MYT1: variants seen among roughly 807,000 people sequenced by gnomAD.
MYT1 encodes the protein myelin transcription factor I.
In MYT1, 23 loss-of-function variants were observed where a neutral mutation model predicts 123.0. The ratio of observed to expected loss-of-function variants is 0.19; its 90% CI spans 0.13 to 0.26. The LOEUF (loss-of-function observed/expected upper bound fraction) is 0.26, where lower values mean the gene tolerates loss of function less well. Ranked by LOEUF, MYT1 falls within the 10% of genes least tolerant of loss-of-function variation. MYT1 has a pLI of 1.00. For missense variants in MYT1, 1,125 were observed against 1,472.5 expected (o/e 0.76, Z 3.86); for synonymous variants, 518 against 575.3 (o/e 0.90, Z 1.43).
intron 14 of MYT1, among the ~76,000 whole-genome samples, 161 bp downstream of exon 14, chr20:64,222,208 C>G (rs1019985662): frequency 2.0e-5 from 3 of 152,174 alleles, no homozygotes; most frequent in Non-Finnish European, 2.9e-5. Flanking sequence ...CCAGGGTATT[C>G]AGAGGTTTCC....
At chr20:64,180,239 C>T (rs888814938) in intron 1 of MYT1, among the ~76,000 whole-genome samples, 1 of 152,224 alleles carries the variant, frequency 6.6e-6, no homozygotes, top group African/African-American at 2.4e-5. Flanking sequence ...GCCACACACA[C>T]ACCCTTTTTC....
chr20:64,197,066 G>A (rs1173821440), intron 2 of MYT1, among the ~76,000 whole-genome samples: 1 of 152,150 alleles, frequency 6.6e-6, no homozygotes, highest in African/African-American at 2.4e-5. Context: ...CTTTAAATGT[G>A]AGCCATTTGT....
In MYT1 at chr20:64,194,827, T is replaced by G. The variant is rs564994943; in HGVS notation, c.1-4035T>G. Among the ~76,000 whole-genome samples the G allele has an allele frequency of 3.9e-5, 6 of 152,338 alleles. No homozygotes were observed. The South Asian group carries it at 1.2e-3, about 32-fold the overall frequency. Reference sequence around the variant, plus strand: ...CTCCAACCCTGATATCTTTGGAAGCTGAGTCTACCATTTCCCCTTAGAGGT... The same window carrying G: ...CTCCAACCCTGATATCTTTGGAAGCGGAGTCTACCATTTCCCCTTAGAGGT... On this transcript the variant is annotated intron_variant, in intron 2 of 22. Coordinates refer to ENST00000328439, the MANE Select transcript of MYT1 (RefSeq NM_004535.3).
intron 1 of MYT1, among the ~76,000 whole-genome samples, chr20:64,173,736 C>G (rs1982368699): frequency 2.8e-5 from 2 of 72,474 alleles, no homozygotes; most frequent in African/African-American, 1.2e-4. Flanking sequence ...GACTTCTCCT[C>G]CTGCAGCATC....
intron 12 of MYT1, 152 bp from the exon 13 acceptor site, chr20:64,219,561 T>G: frequency 1.5e-6 from 1 of 687,578 alleles, no homozygotes; most frequent in Non-Finnish European, 2.4e-6. Context: ...GGCAGCTGGA[T>G]TTTTTCCCTC....
Position 64,166,310 on chromosome 20 carries a change from G to A in MYT1, c.-99+1571G>A, listed in dbSNP as rs1419676232. On this transcript the variant is annotated intron_variant, in intron 1 of 22. Transcript: ENST00000328439. The surrounding 1 kb of genome is among the most constrained non-coding windows in gnomAD (Gnocchi z 4.9). ...GCTTAGAGGGCAGTTTGTTTTCAAA[G>A]AGAAGGAGGCAGTCTTATGGATTCT... is the stretch of plus-strand genomic sequence containing the variant. Among the ~76,000 whole-genome samples, 1 of 152,174 alleles carries A rather than the reference G, an allele frequency of 6.6e-6. No homozygotes were observed. Among genetic ancestry groups the A allele is most frequent in the African/African-American group, 2.4e-5 (1 of 41,438 alleles).
chr20:64,187,854 G>A (rs186047398), intron 1 of MYT1, among the ~76,000 whole-genome samples: 1 of 152,342 alleles, frequency 6.6e-6, no homozygotes, highest in Admixed American at 6.5e-5. Flanking sequence ...GGTTACTTGT[G>A]TGCTCTGTAC....
intron 4 of MYT1, among the ~76,000 whole-genome samples, chr20:64,201,067 G>A (rs979388244): frequency 1.6e-4 from 25 of 152,228 alleles, no homozygotes; most frequent in African/African-American, 5.8e-4. Context: ...CCAGGGACAC[G>A]GTGGAGACAA....
In MYT1 at chr20:64,167,709, T is replaced by TG. The variant is rs139870231; in HGVS notation, c.-99+2977dup. On this transcript the variant is annotated intron_variant, in intron 1 of 22. Transcript: ENST00000328439. The surrounding 1 kb of genome is among the most constrained non-coding windows in gnomAD (Gnocchi z 6.3). ...AGTGGAGCAGGGTGCCCGCAGGGGC[T>TG]GGGGGGGCTCTTCTCTTTCTTCCTC... Among the ~76,000 whole-genome samples, 331 of 152,224 alleles carry TG rather than the reference T, an allele frequency of 2.2e-3. 2 individuals carry two copies. Among genetic ancestry groups the TG allele is most frequent in the African/African-American group, 7.6e-3 (317 of 41,524 alleles).
intron 19 of MYT1, among the ~76,000 whole-genome samples, chr20:64,234,191 CA>C (rs1048600453): frequency 1.3e-5 from 2 of 152,182 alleles, no homozygotes; most frequent in African/African-American, 4.8e-5. Flanking sequence ...TGAGAATGCA[CA>C]ATTGTAATGC....
chr20:64,238,358 G>A (rs962284769), intron 21 of MYT1, among the ~76,000 whole-genome samples: 2 of 152,128 alleles, frequency 1.3e-5, no homozygotes, highest in African/African-American at 4.8e-5. Flanking sequence ...CCAGCCCCAC[G>A]TGTCTCATTA....
At chr20:64,217,642 C>G (rs888802678) in intron 11 of MYT1, among the ~76,000 whole-genome samples, 11 of 152,276 alleles carry the variant, frequency 7.2e-5, no homozygotes, top group African/African-American at 4.8e-5. Context: ...CACTGTCCTC[C>G]TGCTACCTGT....
In MYT1 at chr20:64,208,867, C is replaced by T. The variant is rs112484084; in HGVS notation, c.1291+380C>T. On this transcript the variant is annotated intron_variant, in intron 7 of 22. Coordinates refer to ENST00000328439, the MANE Select transcript of MYT1 (RefSeq NM_004535.3). The surrounding 1 kb of genome is among the most constrained non-coding windows in gnomAD (Gnocchi z 5.4). Reference sequence around the variant, plus strand: ...GCAGGGATTGTGCTATGACAGAACCCGCTGTTTCCTACAGCCATGCTGGGT... The same window carrying T: ...GCAGGGATTGTGCTATGACAGAACCTGCTGTTTCCTACAGCCATGCTGGGT... Among the ~76,000 whole-genome samples, 580 of 152,316 alleles carry T rather than the reference C, an allele frequency of 3.8e-3. 1 individual carries two copies. Among genetic ancestry groups the T allele is most frequent in the Non-Finnish European group, 7.0e-3 (476 of 68,020 alleles).
At chr20:64,206,207 T>A (rs1474111555) in intron 6 of MYT1, among the ~76,000 whole-genome samples, 11 of 152,038 alleles carry the variant, frequency 7.2e-5, no homozygotes, top group Admixed American at 7.2e-4. Flanking sequence ...GAGACCTGCC[T>A]GGGGGCATGG....
Position 64,189,337 on chromosome 20 carries a change from C to T in MYT1, c.-98-726C>T, listed in dbSNP as rs1438083286. ...AGGTTGTCATGGAAACGGGGAGTGA[C>T]GTGCAGGGAATAGGTACACAATGCG... On this transcript the variant is annotated intron_variant, in intron 1 of 22. Transcript: ENST00000328439. This position sits in a 1 kb window ranked among gnomAD's most constrained non-coding sequence, Gnocchi z 5.5. Among the ~76,000 whole-genome samples the T allele has an allele frequency of 6.6e-6, 1 of 152,192 alleles. No homozygotes were observed. Among genetic ancestry groups the T allele is most frequent in the Admixed American group, 6.5e-5 (1 of 15,270 alleles).
intron 10 of MYT1, 85 bp from the exon 11 acceptor site, chr20:64,216,982 T>A (rs192052812): frequency 7.6e-7 from 1 of 1,321,044 alleles, no homozygotes; most frequent in Admixed American, 1.7e-5. Context: ...GGCCCCTGCC[T>A]GGGCTGCAGA....
rs916128589 is a variant in MYT1 at position 64,231,983 on chromosome 20, C to T, written c.2676-181C>T. 9.9e-5 allele frequency among the ~76,000 whole-genome samples: 15 copies of T among 152,186 alleles called. No homozygotes were observed. The highest frequency in any genetic ancestry group is 3.1e-4 in the African/African-American group (13 of 41,452). ...AGGGAGCGTGGCCCGGGTCTTCACACTCAGCCCGGAAGGGCCAGTTCTTCC... is the reference window on the plus strand; with the variant it reads ...AGGGAGCGTGGCCCGGGTCTTCACATTCAGCCCGGAAGGGCCAGTTCTTCC... On this transcript the variant is annotated intron_variant, in intron 18 of 22. Transcript: ENST00000328439. This position sits in a 1 kb window ranked among gnomAD's most constrained non-coding sequence, Gnocchi z 6.4.
chr20:64,221,520 C>G (rs1984000271), intron 13 of MYT1, among the ~76,000 whole-genome samples: 1 of 152,192 alleles, frequency 6.6e-6, no homozygotes, highest in African/African-American at 2.4e-5. Flanking sequence ...TTATTTAGTG[C>G]CTACTGTCTA....
Position 64,208,148 on chromosome 20 carries a change from T to C in MYT1, c.952T>C (p.Ser318Pro). 1.2e-6 allele frequency: 2 copies of C among 1,613,190 alleles called. No individual in the cohort carries two copies. Among genetic ancestry groups the C allele is most frequent in the African/African-American group, 2.7e-5 (2 of 74,998 alleles). Residue 318 changes from serine (S) to proline (P), a missense_variant, in exon 7 of 23, where the codon TCT becomes CCT. Transcript: ENST00000328439. This position sits in a 1 kb window ranked among gnomAD's most constrained non-coding sequence, Gnocchi z 5.4. ...TGATGTGATCTTTCAGGAAGACACC[T>C]CTCACACCTCTGCCCAGAAGGCCCC... ...APDVIFQEDT[S>P]HTSAQKAPEL...
Sources: gnomAD v4.1 joint callset for allele counts (sites outside exome capture counted in the v4.1 genomes callset) on GRCh38, gnomAD v4.1.1 for gene constraint, Gnocchi (gnomAD v3.1) non-coding constraint, MANE v1.5 for transcripts, NCBI Gene and HGNC (gene_info 2026-07-23, HGNC 2026-07-21) for gene names.